The following EXTL3 variants were observed in gnomAD, a reference collection of about 807,000 sequenced individuals.
EXTL3 encodes exostosin like glycosyltransferase 3, also known as exostosin-like 3.
A neutral mutation model predicts 69.3 loss-of-function variants in EXTL3; 27 were observed. That is an observed-to-expected ratio of 0.39 (90% confidence interval 0.29 to 0.54). The LOEUF (loss-of-function observed/expected upper bound fraction) is 0.54, where lower values mean the gene tolerates loss of function less well. Ranked by LOEUF, EXTL3 falls within the 20% of genes least tolerant of loss-of-function variation. The pLI is 0.69. For synonymous variants in EXTL3, 511 were observed against 499.4 expected, an observed-to-expected ratio of 1.02 and a Z score of -0.31; for missense variants, 1,003 against 1,231.8, an observed-to-expected ratio of 0.81 and a Z score of 2.78.
At chr8:28,723,347 G>A (rs1801338502) in intron 3 of EXTL3, among the ~76,000 whole-genome samples, 1 of 152,022 alleles carries the variant, frequency 6.6e-6, no homozygotes, top group African/African-American at 2.4e-5. Context: ...CTATAGCTGT[G>A]GGTTTCTGTT....
chr8:28,685,400 C>CT (rs34700058), intron 1 of EXTL3, among the ~76,000 whole-genome samples: 50,980 of 151,432 alleles, frequency 0.34, 9,116 homozygotes, highest in African/African-American at 0.48. Context: ...TTTCCTTCCT[C>CT]CCCCCTCCCC....
At chr8:28,664,894 G>T (rs1164230803) in intron 1 of EXTL3, among the ~76,000 whole-genome samples, 1 of 150,690 alleles carries the variant, frequency 6.6e-6, no homozygotes, top group Admixed American at 6.7e-5. Context: ...CTTCAGCTCA[G>T]GGTCTTTTTC....
chr8:28,636,318 C>G (rs993765399), intron 1 of EXTL3, among the ~76,000 whole-genome samples: 1 of 129,008 alleles, frequency 7.8e-6, no homozygotes, highest in Non-Finnish European at 1.6e-5. Flanking sequence ...GGTGACAGAC[C>G]AAGACTCCAT....
intron 2 of EXTL3, among the ~76,000 whole-genome samples, chr8:28,610,153 A>C (rs1349936317): frequency 6.6e-6 from 1 of 152,096 alleles, no homozygotes; most frequent in Non-Finnish European, 1.5e-5. Context: ...CAGTGAGCCA[A>C]GATCCCACCA....
intron 1 of EXTL3, among the ~76,000 whole-genome samples, chr8:28,639,072 G>A (rs1364813793): frequency 2.0e-5 from 3 of 151,566 alleles, no homozygotes; most frequent in African/African-American, 7.3e-5. Flanking sequence ...CAAGTAGCAG[G>A]GACTACAGGC....
chr8:28,724,985 T>C (rs1801381924), intron 3 of EXTL3, among the ~76,000 whole-genome samples: 1 of 152,186 alleles, frequency 6.6e-6, no homozygotes, highest in African/African-American at 2.4e-5. Flanking sequence ...CTGAGTTCTC[T>C]GATGGTTCCT....
chr8:28,717,658 G>C lies in EXTL3; in HGVS notation c.1599G>C (p.Met533Ile). The C allele has an allele frequency of 6.2e-7, 1 of 1,614,226 alleles. No individual in the cohort carries two copies. Among genetic ancestry groups the C allele is most frequent in the South Asian group, 1.1e-5 (1 of 91,088 alleles). The stretch of plus-strand genomic sequence containing the variant: ...GTATTTTTAATACCGTGCTGGCTAT[G>C]ATTAGGACTCGCATCCAGATCCCAG... ...ADSIFNTVLA[M>I]IRTRIQIPAA... The change falls in exon 3 of 7, where the codon ATG (methionine) becomes ATC (isoleucine). Residue 533 changes from methionine to isoleucine, a missense_variant. By Grantham distance (10) the Met-to-Ile change is conservative. Transcript: ENST00000220562. The surrounding 1 kb of genome is among the most constrained non-coding windows in gnomAD (Gnocchi z 8.3).
intron 1 of EXTL3, among the ~76,000 whole-genome samples, chr8:28,632,806 G>T (rs868225888): frequency 7.3e-5 from 11 of 151,722 alleles, no homozygotes; most frequent in South Asian, 2.1e-4. Flanking sequence ...TGCCTGCCTC[G>T]GCCTCCCAAA....
intron 1 of EXTL3, among the ~76,000 whole-genome samples, chr8:28,686,773 T>G (rs151271085): frequency 6.6e-6 from 1 of 152,252 alleles, no homozygotes; most frequent in African/African-American, 2.4e-5. Context: ...CCGGTAGCAA[T>G]GGAGACCCAA....
At chr8:28,616,249 G>A (rs572020760) in intron 2 of EXTL3, among the ~76,000 whole-genome samples, 3 of 152,148 alleles carry the variant, frequency 2.0e-5, no homozygotes, top group East Asian at 1.9e-4. Context: ...AGGGAAATGG[G>A]GGAGGGGGTG....
chr8:28,664,858 A>G (rs944717524), intron 1 of EXTL3, among the ~76,000 whole-genome samples: 2 of 152,054 alleles, frequency 1.3e-5, no homozygotes, highest in Non-Finnish European at 2.9e-5. Flanking sequence ...CAGTCAGTGG[A>G]CATTGTAATC....
chr8:28,724,500 G>A (rs558436368), intron 3 of EXTL3, among the ~76,000 whole-genome samples: 1 of 152,142 alleles, frequency 6.6e-6, no homozygotes, highest in Admixed American at 6.5e-5. Context: ...GGGTGTGGTG[G>A]CTCACGCCTG....
Position 28,750,635 on chromosome 8 carries a change from T to A in EXTL3, c.2551-22T>A, listed in dbSNP as rs927902268. 1 of 1,601,606 alleles carries A rather than the reference T, an allele frequency of 6.2e-7. No homozygotes were observed. The highest frequency in any genetic ancestry group is 1.7e-5 in the Admixed American group (1 of 60,010). Reference sequence around the variant, plus strand: ...TCAGTATTAGCTGGGATTCCCACTCTGTCTCTCTCTCCCGTTTCCAGGTGA... The same window carrying A: ...TCAGTATTAGCTGGGATTCCCACTCAGTCTCTCTCTCCCGTTTCCAGGTGA... On this transcript the variant is annotated intron_variant, in intron 6 of 6. Transcript: ENST00000220562. This position sits in a 1 kb window ranked among gnomAD's most constrained non-coding sequence, Gnocchi z 5.2.
intron 1 of EXTL3, among the ~76,000 whole-genome samples, chr8:28,707,600 A>G (rs1800950066): frequency 6.6e-6 from 1 of 152,206 alleles, no homozygotes; most frequent in African/African-American, 2.4e-5. Context: ...CTCCATTACT[A>G]TCAATTCTTC....
At chr8:28,708,267 T>C (rs1800963231) in intron 1 of EXTL3, among the ~76,000 whole-genome samples, 1 of 152,176 alleles carries the variant, frequency 6.6e-6, no homozygotes, top group Non-Finnish European at 1.5e-5. Flanking sequence ...GGATGTTCTG[T>C]TTCCCTTTTT....
At chr8:28,636,085 C>G (rs1289849097) in intron 1 of EXTL3, among the ~76,000 whole-genome samples, 1 of 151,970 alleles carries the variant, frequency 6.6e-6, no homozygotes, top group African/African-American at 2.4e-5. Context: ...AATCCTCACA[C>G]TTTGGGAGGC....
At chr8:28,677,914 T>A (rs958883824) in intron 1 of EXTL3, among the ~76,000 whole-genome samples, 9 of 152,262 alleles carry the variant, frequency 5.9e-5, no homozygotes, top group African/African-American at 2.2e-4. Context: ...GTCCTTCATC[T>A]TCTTCTCTCT....
At chr8:28,675,625 C>G (rs1034895091) in intron 1 of EXTL3, among the ~76,000 whole-genome samples, 4 of 152,152 alleles carry the variant, frequency 2.6e-5, no homozygotes, top group African/African-American at 9.6e-5. Flanking sequence ...GACACTTCAC[C>G]CAGTAGGTGG....
intron 1 of EXTL3, among the ~76,000 whole-genome samples, chr8:28,665,733 A>C (rs1009850238): frequency 2.0e-5 from 3 of 152,182 alleles, no homozygotes; most frequent in Non-Finnish European, 2.9e-5. Flanking sequence ...TAAGGAAGGC[A>C]GTCCTGCCAT....
Sources: allele counts gnomAD v4.1 joint callset (sites outside exome capture counted in the v4.1 genomes callset), GRCh38; gene constraint gnomAD v4.1.1; non-coding constraint Gnocchi (gnomAD v3.1); transcripts MANE v1.5; gene names NCBI Gene and HGNC (gene_info 2026-07-23, HGNC 2026-07-21).